WHR1: variants seen among roughly 807,000 people sequenced by gnomAD.
WHR1 encodes the protein MHC class III HLA-RP1.
chr6:31,971,417 C>G, the WHR1 span: 1 of 1,606,798 alleles, frequency 6.2e-7, no homozygotes, highest in Non-Finnish European at 8.5e-7. This position sits in a 1 kb window ranked among gnomAD's most constrained non-coding sequence, Gnocchi z 4.5. Context: ...TCCGGGTATC[C>G]GTCTCTGAGG....
chr6:31,979,306 G>T, the WHR1 span: 1 of 1,467,038 alleles, frequency 6.8e-7, no homozygotes, highest in South Asian at 1.3e-5. Flanking sequence ...ATGAGAGGTG[G>T]AAGGATCTGA....
the WHR1 span, chr6:31,971,397 CTGG>C: frequency 6.3e-7 from 1 of 1,596,520 alleles, no homozygotes; most frequent in Non-Finnish European, 8.6e-7. The surrounding 1 kb of genome is among the most constrained non-coding windows in gnomAD (Gnocchi z 4.5). Context: ...CGTCCCGGGG[CTGG>C]TATCGATCCG....
At chr6:31,976,098 C>A in the WHR1 span, among the ~76,000 whole-genome samples, 1 of 145,332 alleles carries the variant, frequency 6.9e-6, no homozygotes, top group South Asian at 2.2e-4. Flanking sequence ...TGACCCCCCA[C>A]CTCCCTCCCG....
At chr6:31,981,074 T>A in the WHR1 span, 4 of 452,236 alleles carry the variant, frequency 8.8e-6, no homozygotes, top group African/African-American at 6.1e-5. Context: ...ATTGCTCAGC[T>A]CCTCAGAGTG....
chr6:31,976,380 C>T, the WHR1 span, among the ~76,000 whole-genome samples: 7 of 151,202 alleles, frequency 4.6e-5, no homozygotes, highest in Non-Finnish European at 1.0e-4. Flanking sequence ...GGAGGCTGGG[C>T]AGAGACCCTC....
the WHR1 span, chr6:31,971,181 C>A: frequency 1.2e-6 from 2 of 1,604,132 alleles, no homozygotes; most frequent in South Asian, 2.2e-5. This position sits in a 1 kb window ranked among gnomAD's most constrained non-coding sequence, Gnocchi z 4.5. Context: ...GAAGGTCTGA[C>A]ACAAGCATTA....
the WHR1 span, chr6:31,972,138 C>T: frequency 6.2e-7 from 1 of 1,612,984 alleles, no homozygotes; most frequent in Non-Finnish European, 8.5e-7. The surrounding 1 kb of genome is among the most constrained non-coding windows in gnomAD (Gnocchi z 6.3). Context: ...ACGCCGCCAA[C>T]GAGTCCCCGG....
chr6:31,980,246 C>T, the WHR1 span: 1 of 523,128 alleles, frequency 1.9e-6, no homozygotes, highest in Non-Finnish European at 3.4e-6. Context: ...GAGGGCAGTC[C>T]AGGTAGGGGG....
At chr6:31,972,240 C>T in the WHR1 span, 2 of 1,613,124 alleles carry the variant, frequency 1.2e-6, no homozygotes, top group Non-Finnish European at 1.7e-6. The surrounding 1 kb of genome is among the most constrained non-coding windows in gnomAD (Gnocchi z 6.3). Context: ...CACCGCCCCT[C>T]CCAGCACTGA....
At chr6:31,980,730 G>C in the WHR1 span, 14 of 1,609,034 alleles carry the variant, frequency 8.7e-6, no homozygotes, top group South Asian at 1.5e-4. Context: ...TGGGCCGGCG[G>C]GCGCCTGTCG....
chr6:31,976,657 G>C, the WHR1 span, among the ~76,000 whole-genome samples: 1 of 152,234 alleles, frequency 6.6e-6, no homozygotes, highest in African/African-American at 2.4e-5. Flanking sequence ...CCGGGCAGAG[G>C]CTGCACTCTG....
At chr6:31,979,361 GT>G in the WHR1 span, 136 of 1,608,466 alleles carry the variant, frequency 8.5e-5, no homozygotes, top group African/African-American at 1.7e-3. Context: ...GGGGGTGGAG[GT>G]TGGTAGAGAG....
At chr6:31,979,047 G>A in the WHR1 span, 1 of 1,579,874 alleles carries the variant, frequency 6.3e-7, no homozygotes, top group African/African-American at 1.4e-5. Flanking sequence ...CACAGGTTGG[G>A]GGAGACAGGG....
the WHR1 span, chr6:31,980,809 T>G: frequency 9.6e-5 from 147 of 1,523,956 alleles, no homozygotes; most frequent in Non-Finnish European, 1.3e-4. Flanking sequence ...CTGGTGAGTC[T>G]TTCCCTGGCC....
At chr6:31,979,568 A>C in the WHR1 span, 1 of 1,611,968 alleles carries the variant, frequency 6.2e-7, no homozygotes. Flanking sequence ...GACTTGTGGA[A>C]CCAACCAAAG....
At chr6:31,974,557 A>G in the WHR1 span, among the ~76,000 whole-genome samples, 1 of 152,204 alleles carries the variant, frequency 6.6e-6, no homozygotes, top group African/African-American at 2.4e-5. Context: ...ATCTTTACTA[A>G]ATAACTGAGA....
At chr6:31,971,592 A>G in the WHR1 span, 2 of 1,613,790 alleles carry the variant, frequency 1.2e-6, no homozygotes, top group Middle Eastern at 1.6e-4. This position sits in a 1 kb window ranked among gnomAD's most constrained non-coding sequence, Gnocchi z 4.5. Context: ...CTGTGGGCAG[A>G]GAAGGTGCTG....
the WHR1 span, chr6:31,979,585 A>G: frequency 6.2e-7 from 1 of 1,609,924 alleles, no homozygotes; most frequent in South Asian, 1.1e-5. Flanking sequence ...AAAGTCAGGC[A>G]TCTGGTGCTT....
the WHR1 span, chr6:31,972,488 C>A: frequency 1.2e-6 from 2 of 1,612,184 alleles, no homozygotes; most frequent in African/African-American, 1.3e-5. The surrounding 1 kb of genome is among the most constrained non-coding windows in gnomAD (Gnocchi z 6.3). Flanking sequence ...CCTGTGGAGT[C>A]GGATCCTCTT....
Sources: allele counts gnomAD v4.1 joint callset (sites outside exome capture counted in the v4.1 genomes callset), GRCh38; gene constraint gnomAD v4.1.1; non-coding constraint Gnocchi (gnomAD v3.1); transcripts MANE v1.5; gene names NCBI Gene and HGNC (gene_info 2026-07-23, HGNC 2026-07-21).